HUWE1: variants seen among roughly 807,000 people sequenced by gnomAD.
HUWE1 encodes the protein HECT, UBA and WWE domain containing E3 ubiquitin protein ligase 1, also known as E3 ubiquitin-protein ligase HUWE1.
A neutral mutation model predicts 299.4 loss-of-function variants in HUWE1; 18 were observed. The observed-to-expected ratio is 0.06, with a 90% CI of 0.04 to 0.09. The LOEUF is 0.09. Among genes scored for constraint, HUWE1 ranks in the 10% least tolerant of loss-of-function variants. HUWE1 has a pLI of 1.00. For missense variants in HUWE1, 1,832 were observed against 3,462.3 expected (o/e 0.53, Z 11.82); for synonymous variants, 1,317 against 1,286.1 (o/e 1.02, Z -0.51).
Position 53,658,049 on chromosome X carries a change from CAA to C in HUWE1, c.-24-3920_-24-3919del, listed in dbSNP as rs782662378. On this transcript the variant is annotated intron_variant, in intron 3 of 83. Coordinates refer to ENST00000262854, the MANE Select transcript of HUWE1 (RefSeq NM_031407.7). ...GGGGCGACAAAGCAAGACTCCGTCT[CAA>C]AAAAAAAAAAAGTCAATTGCTTTCC... 1.7e-3 allele frequency among the ~76,000 whole-genome samples: 64 copies of C among 38,041 alleles called. 1 individual carries two copies. The highest frequency in any genetic ancestry group is 2.4e-3 in the Non-Finnish European group (54 of 22,060). 33.0% of individuals were successfully genotyped at this position (38,041 alleles called of 115,157 possible). A position where few individuals can be genotyped will look rare whatever the true frequency, so the allele number is the denominator to read the frequency against.
intron 31 of HUWE1, among the ~76,000 whole-genome samples, chrX:53,593,957 C>T (rs1292035129): frequency 9.1e-6 from 1 of 110,451 alleles, no homozygotes; most frequent in Admixed American, 9.6e-5. Flanking sequence ...ATTAGCTGGA[C>T]GTGGTGGCGG....
chrX:53,628,714 G>A lies in HUWE1; in HGVS notation c.1114+38C>T, dbSNP rs1419419174. 3.9e-5 allele frequency: 47 copies of A among 1,207,017 alleles called. No individual in the cohort carries two copies. The Admixed American group carries it at 8.1e-4, about 21-fold the overall frequency. On this transcript the variant is annotated intron_variant, in intron 14 of 83. Coordinates refer to ENST00000262854, the MANE Select transcript of HUWE1 (RefSeq NM_031407.7). The stretch of plus-strand genomic sequence containing the variant: ...AAAAAGACAAAGGCAGAGGGCAAAT[G>A]TTTCTTCTTGCCTAAGATAATCACC...
At chrX:53,559,311 G>T in intron 57 of HUWE1, 43 bp downstream of exon 57, 8 of 1,174,372 alleles carry the variant, frequency 6.8e-6, no homozygotes, top group Non-Finnish European at 9.3e-6. Context: ...GGAAAAAGTA[G>T]AATCTGACAA....
At chrX:53,678,714 T>C (rs2069960241) in intron 3 of HUWE1, among the ~76,000 whole-genome samples, 1 of 112,004 alleles carries the variant, frequency 8.9e-6, no homozygotes, top group Non-Finnish European at 1.9e-5. Context: ...TTAGAAGTTA[T>C]GGGTCAGAAC....
intron 7 of HUWE1, among the ~76,000 whole-genome samples, chrX:53,636,773 T>C (rs1159474550): frequency 8.9e-6 from 1 of 112,179 alleles, no homozygotes; most frequent in Non-Finnish European, 1.9e-5. Context: ...GTATTAAAGA[T>C]ATTCACTGTA....
intron 7 of HUWE1, among the ~76,000 whole-genome samples, chrX:53,643,097 T>C (rs1380729123): frequency 8.9e-6 from 1 of 112,334 alleles, no homozygotes; most frequent in Non-Finnish European, 1.9e-5. Context: ...TGTTGATTTA[T>C]ATTCTAGTGT....
Position 53,552,451 on chromosome X carries a change from A to G in HUWE1, c.8751-10T>C. On this transcript the variant is annotated splice_polypyrimidine_tract_variant and intron_variant, in intron 62 of 83. Coordinates refer to ENST00000262854, the MANE Select transcript of HUWE1 (RefSeq NM_031407.7). The stretch of plus-strand genomic sequence containing the variant: ...GGATGCAGGTGGGGAGCTGAGGGAA[A>G]TCATGCTCAGGTTGCTGTCTGTATT... 8.3e-7 allele frequency: 1 copy of G among 1,210,356 alleles called. No individual in the cohort carries two copies. The highest frequency in any genetic ancestry group is 3.0e-5 in the East Asian group (1 of 33,831).
chrX:53,634,371 A>G, intron 7 of HUWE1, 73 bp from the exon 8 acceptor site: 2 of 699,902 alleles, frequency 2.9e-6, no homozygotes, highest in Non-Finnish European at 2.3e-6. Context: ...CAGCCTAGGC[A>G]ACAGAGTGAG....
chrX:53,641,625 T>C (rs1232177627), intron 7 of HUWE1, among the ~76,000 whole-genome samples: 5 of 111,872 alleles, frequency 4.5e-5, no homozygotes, highest in Admixed American at 2.8e-4. Flanking sequence ...AGTTGTAGTT[T>C]ATGTCAGAAA....
In HUWE1 at chrX:53,603,445, A is replaced by G. The variant is rs1265953955; in HGVS notation, c.2799T>C (p.Val933=). The change falls in exon 27 of 84, where the codon GTT becomes GTC. Residue 933 remains valine (V), a synonymous_variant. Coordinates refer to ENST00000262854, the MANE Select transcript of HUWE1 (RefSeq NM_031407.7). ...NQWGSQLGLS[V]LSKLSQLYCS... The stretch of plus-strand genomic sequence containing the variant: ...AGTATAACTGGCTCAGCTTGCTCAA[A>G]ACACTCAGACCCAATTGAGAGCCCC... 2 of 1,206,673 alleles carry G rather than the reference A, an allele frequency of 1.7e-6. No individual in the cohort carries two copies. Among genetic ancestry groups the G allele is most frequent in the Non-Finnish European group, 2.2e-6 (2 of 892,427 alleles).
intron 19 of HUWE1, among the ~76,000 whole-genome samples, chrX:53,618,591 G>A (rs1371087764): frequency 9.8e-6 from 1 of 102,241 alleles, no homozygotes; most frequent in East Asian, 3.0e-4. Context: ...TTTAGACGGA[G>A]TCTCACTCTG....
intron 7 of HUWE1, among the ~76,000 whole-genome samples, chrX:53,638,196 C>T (rs1569504888): frequency 1.8e-5 from 2 of 110,902 alleles, no homozygotes; most frequent in African/African-American, 3.3e-5. Context: ...AAAAATTAGC[C>T]GGGCATGGTG....
chrX:53,534,722 A>G, intron 81 of HUWE1, 25 bp from the exon 82 acceptor site: 1 of 1,194,751 alleles, frequency 8.4e-7, no homozygotes, highest in South Asian at 1.8e-5. Context: ...AAAAAGCCAA[A>G]TGACTTCTAA....
At chrX:53,627,361 G>T in intron 17 of HUWE1, 49 bp downstream of exon 17, 2 of 774,679 alleles carry the variant, frequency 2.6e-6, no homozygotes, top group South Asian at 2.3e-5. Context: ...GGGGTGGGAT[G>T]ACAAAAAATC....
At chrX:53,565,688 T>C (rs1210006651) in intron 49 of HUWE1, among the ~76,000 whole-genome samples, 3 of 109,200 alleles carry the variant, frequency 2.7e-5, no homozygotes, top group Non-Finnish European at 5.7e-5. Context: ...CTGGAGTACA[T>C]TGGCACAATC....
intron 35 of HUWE1, among the ~76,000 whole-genome samples, 194 bp downstream of exon 35, chrX:53,590,210 T>C (rs1556977591): frequency 8.9e-6 from 1 of 112,418 alleles, no homozygotes; most frequent in Non-Finnish European, 1.9e-5. Context: ...TAACGCTTCA[T>C]ATGCCTCCCT....
chrX:53,625,442 A>C (rs1449244828), intron 17 of HUWE1, 184 bp from the exon 18 acceptor site: 5 of 389,015 alleles, frequency 1.3e-5, no homozygotes, highest in African/African-American at 2.5e-5. Flanking sequence ...AAAATTACTA[A>C]TACTTTTAAT....
At chrX:53,678,668 A>G (rs2069956865) in intron 3 of HUWE1, among the ~76,000 whole-genome samples, 2 of 112,392 alleles carry the variant, frequency 1.8e-5, no homozygotes, top group Non-Finnish European at 3.8e-5. Flanking sequence ...CAAGAACTGT[A>G]TGACAGCCAG....
intron 42 of HUWE1, 141 bp from the exon 43 acceptor site, chrX:53,581,167 G>T: frequency 2.0e-6 from 1 of 509,077 alleles, no homozygotes; most frequent in Non-Finnish European, 3.1e-6. Context: ...ATCCCTTCTT[G>T]ATTCAAAAAA....
Sources: gnomAD v4.1 joint callset for allele counts (sites outside exome capture counted in the v4.1 genomes callset) on GRCh38, gnomAD v4.1.1 for gene constraint, MANE v1.5 for transcripts, NCBI Gene and HGNC (gene_info 2026-07-23, HGNC 2026-07-21) for gene names.